SIL1: variants seen among roughly 807,000 people sequenced by gnomAD.
The protein encoded by SIL1 is nucleotide exchange factor SIL1.
In SIL1, 40 loss-of-function variants were observed where a neutral mutation model predicts 49.1. That is an observed-to-expected ratio of 0.81 (90% confidence interval 0.63 to 1.06). The LOEUF is 1.06. Ranked by LOEUF, SIL1 falls within the 50% of genes least tolerant of loss-of-function variation. The pLI is 0.00. For missense variants in SIL1, 500 were observed against 572.6 expected (o/e 0.87, Z 1.29); for synonymous variants, 253 against 250.8 (o/e 1.01, Z -0.08).
chr5:138,995,140 G>A (rs1767837153), intron 7 of SIL1, among the ~76,000 whole-genome samples: 1 of 152,048 alleles, frequency 6.6e-6, no homozygotes, highest in Admixed American at 6.6e-5. Flanking sequence ...TGTGAATAGT[G>A]CTGTAATGAA....
At chr5:139,077,974 A>G (rs1769990388) in intron 3 of SIL1, among the ~76,000 whole-genome samples, 1 of 152,200 alleles carries the variant, frequency 6.6e-6, no homozygotes, top group South Asian at 2.1e-4. Flanking sequence ...AGCACAGAGC[A>G]AGAAGGCACC....
chr5:139,011,012 CTTTG>C (rs1293969030), intron 7 of SIL1, among the ~76,000 whole-genome samples: 1 of 149,232 alleles, frequency 6.7e-6, no homozygotes, highest in Admixed American at 6.7e-5. Flanking sequence ...TTCCCGGCTG[CTTTG>C]TTTACCTAAG....
chr5:139,079,784 A>C (rs965726594), intron 3 of SIL1, among the ~76,000 whole-genome samples: 1 of 152,244 alleles, frequency 6.6e-6, no homozygotes, highest in African/African-American at 2.4e-5. Context: ...ATTTTATTCA[A>C]ATACAGCCCT....
At chr5:139,179,653 A>G (rs1042639230) in intron 1 of SIL1, among the ~76,000 whole-genome samples, 3 of 152,124 alleles carry the variant, frequency 2.0e-5, no homozygotes, top group Non-Finnish European at 4.4e-5. Context: ...CTTTATAGAC[A>G]GGGCTATTAA....
chr5:139,140,639 C>T (rs956337864), intron 1 of SIL1, among the ~76,000 whole-genome samples: 2 of 152,282 alleles, frequency 1.3e-5, no homozygotes, highest in Non-Finnish European at 2.9e-5. Context: ...CCATAACTCA[C>T]GGCTTTCACA....
chr5:139,184,925 G>C (rs937130517), intron 1 of SIL1, among the ~76,000 whole-genome samples: 3 of 152,196 alleles, frequency 2.0e-5, no homozygotes, highest in Admixed American at 1.3e-4. Context: ...AGTGAGGACA[G>C]AGTAAAATTT....
chr5:139,071,272 T>G (rs1400782402), intron 3 of SIL1, among the ~76,000 whole-genome samples: 3 of 151,988 alleles, frequency 2.0e-5, no homozygotes, highest in African/African-American at 7.3e-5. Context: ...TTAAAGGATA[T>G]AACAACGTTT....
chr5:139,074,680 G>A (rs908995896), intron 3 of SIL1, among the ~76,000 whole-genome samples: 1 of 152,198 alleles, frequency 6.6e-6, no homozygotes, highest in Non-Finnish European at 1.5e-5. Context: ...GAAAGAGAAT[G>A]TGTACTTCAG....
chr5:139,057,311 C>CAAAAAAA (rs71574434), intron 3 of SIL1, among the ~76,000 whole-genome samples: 1 of 54,126 alleles, frequency 1.8e-5, no homozygotes, highest in Admixed American at 1.5e-4. Flanking sequence ...CAAGAATGAT[C>CAAAAAAA]AATAAAAAAA....
intron 3 of SIL1, among the ~76,000 whole-genome samples, chr5:139,113,330 T>TA (rs985835068): frequency 1.8e-5 from 2 of 112,084 alleles, no homozygotes; most frequent in Non-Finnish European, 4.0e-5. Flanking sequence ...TAAATAAATT[T>TA]AAAAAAAAAA....
chr5:139,084,703 G>A (rs1461608542), intron 3 of SIL1, among the ~76,000 whole-genome samples: 1 of 143,154 alleles, frequency 7.0e-6, no homozygotes, highest in East Asian at 2.0e-4. Flanking sequence ...ATTAGTGGGT[G>A]CAGCGCACCA....
chr5:138,984,118 AC>A (rs1413956176), intron 7 of SIL1, among the ~76,000 whole-genome samples: 1 of 152,170 alleles, frequency 6.6e-6, no homozygotes, highest in African/African-American at 2.4e-5. Context: ...ACCTTATATA[AC>A]CAGCAGGCTC....
intron 2 of SIL1, among the ~76,000 whole-genome samples, chr5:139,122,384 A>G (rs1045154502): frequency 1.3e-5 from 2 of 152,106 alleles, no homozygotes; most frequent in Admixed American, 6.6e-5. Flanking sequence ...CTTGAACCCA[A>G]GAGTTCAAGA....
At chr5:139,175,098 G>GAT (rs1185058399) in intron 1 of SIL1, among the ~76,000 whole-genome samples, 5 of 152,106 alleles carry the variant, frequency 3.3e-5, no homozygotes, top group African/African-American at 4.8e-5. Flanking sequence ...AAGGCAGGTG[G>GAT]ATCACCTGAG....
At chr5:139,011,367 C>G (rs1768267484) in intron 7 of SIL1, among the ~76,000 whole-genome samples, 1 of 152,246 alleles carries the variant, frequency 6.6e-6, no homozygotes. Flanking sequence ...CTGTCTGGCA[C>G]TCCCTAGTGA....
At chr5:139,129,098 G>C (rs773818616) in intron 1 of SIL1, among the ~76,000 whole-genome samples, 24 of 152,198 alleles carry the variant, frequency 1.6e-4, no homozygotes, top group Non-Finnish European at 3.4e-4. Context: ...GGTGAGCTGA[G>C]ATCGCACCAC....
chr5:139,172,143 A>G (rs761875907), intron 1 of SIL1, among the ~76,000 whole-genome samples: 1 of 152,222 alleles, frequency 6.6e-6, no homozygotes, highest in Non-Finnish European at 1.5e-5. Flanking sequence ...CAACATACAC[A>G]TTGTGAAAGT....
intron 1 of SIL1, among the ~76,000 whole-genome samples, chr5:139,143,336 C>CATATATATATATATATATAT (rs1462318169): frequency 1.2e-5 from 1 of 80,478 alleles, no homozygotes; most frequent in African/African-American, 6.2e-5. Context: ...CACACACACA[C>CATATATATATATATATATAT]ACACACACAT....
intron 1 of SIL1, among the ~76,000 whole-genome samples, chr5:139,197,801 AAC>A (rs1752307136): frequency 6.6e-6 from 1 of 152,226 alleles, no homozygotes; most frequent in Admixed American, 6.5e-5. Context: ...TCCGAGAGAT[AAC>A]ACTAACCAGT....
Sources: allele counts gnomAD v4.1 joint callset (sites outside exome capture counted in the v4.1 genomes callset), GRCh38; gene constraint gnomAD v4.1.1; transcripts MANE v1.5; gene names NCBI Gene and HGNC (gene_info 2026-07-23, HGNC 2026-07-21).